Variants in COPS2 observed in about 807,000 individuals in gnomAD.
COPS2 encodes the protein COP9 signalosome complex subunit 2.
COPS2 carries 10 observed loss-of-function variants against 66.1 expected under a neutral mutation model. The ratio of observed to expected loss-of-function variants is 0.15; its 90% CI spans 0.09 to 0.26. The LOEUF (loss-of-function observed/expected upper bound fraction) is 0.26. COPS2 is among the 10% of genes least tolerant of loss of function. The pLI is 1.00. For synonymous variants in COPS2, 179 were observed against 171.3 expected (o/e 1.04, Z -0.35); for missense variants, 215 against 513.3 (o/e 0.42, Z 5.62).
rs372953422 is a variant in COPS2 at position 49,144,992 on chromosome 15, T to A, written c.141A>T (p.Pro47=). The A allele has an allele frequency of 1.2e-4, 187 of 1,595,656 alleles. No individual in the cohort carries two copies. In the Middle Eastern group the frequency reaches 3.9e-3, roughly 33 times the overall value. ...YNSKALKEDD[P]KAALSSFQKV... is the part of the protein sequence containing the mutation. Reference sequence around the variant, plus strand: ...TTTGGAAACTGCTTAATGCCGCTTTTGGGTCATCTTCTTTTAATGCTTTGG... The same window carrying A: ...TTTGGAAACTGCTTAATGCCGCTTTAGGGTCATCTTCTTTTAATGCTTTGG... The change falls in exon 2 of 13, where the codon CCA becomes CCT. Residue 47 remains proline (P), a synonymous_variant. Coordinates refer to ENST00000388901, the MANE Select transcript of COPS2 (RefSeq NM_004236.4).
intron 9 of COPS2, 32 bp from the exon 10 acceptor site, chr15:49,130,848 A>G (rs2084202813): frequency 1.7e-6 from 2 of 1,197,728 alleles, no homozygotes; most frequent in Non-Finnish European, 1.2e-6. Flanking sequence ...AATTATGTCA[A>G]ACATGAAGAA....
At chr15:49,131,595 C>A (rs2084209676) in intron 9 of COPS2, among the ~76,000 whole-genome samples, 1 of 151,868 alleles carries the variant, frequency 6.6e-6, no homozygotes, top group African/African-American at 2.4e-5. Context: ...CCCAATGTAA[C>A]CTCATATTAG....
chr15:49,132,571 C>CAAAAAAAAAAAAA (rs748471326), intron 9 of COPS2, among the ~76,000 whole-genome samples: 1 of 59,900 alleles, frequency 1.7e-5, no homozygotes, highest in Non-Finnish European at 3.2e-5. Flanking sequence ...CATATATCTG[C>CAAAAAAAAAAAAA]AAAAAAAAAA....
chr15:49,150,735 CA>C (rs894878385), intron 1 of COPS2, among the ~76,000 whole-genome samples: 1 of 152,012 alleles, frequency 6.6e-6, no homozygotes, highest in Non-Finnish European at 1.5e-5. Context: ...AAGAAGGGAA[CA>C]GACACTAGGG....
At chr15:49,138,183 T>A (rs1039482301) in intron 4 of COPS2, among the ~76,000 whole-genome samples, 4 of 152,200 alleles carry the variant, frequency 2.6e-5, no homozygotes, top group Admixed American at 2.6e-4. Flanking sequence ...GAAATCATTA[T>A]TTGTTTTACA....
In COPS2 at chr15:49,142,492, G is replaced by A. The variant is rs1367708100; in HGVS notation, c.246+1735C>T. 3.3e-5 allele frequency among the ~76,000 whole-genome samples: 5 copies of A among 152,250 alleles called. No individual in the cohort carries two copies. In the East Asian group the frequency reaches 9.6e-4, roughly 29 times the overall value. ...GGGATAGAGAAGCTAATGGAGAGGT[G>A]GAGGAAACATATCATATGGGAAATA... On this transcript the variant is annotated intron_variant, in intron 3 of 12. Transcript: ENST00000388901.
intron 6 of COPS2, among the ~76,000 whole-genome samples, chr15:49,136,914 A>T (rs2084256659): frequency 6.6e-6 from 1 of 152,022 alleles, no homozygotes; most frequent in African/African-American, 2.4e-5. Flanking sequence ...GCTTCAGCCC[A>T]GGAGGTAAAG....
Position 49,145,091 on chromosome 15 carries a change from G to A in COPS2, c.55-13C>T. 7.5e-7 allele frequency: 1 copy of A among 1,339,622 alleles called. No individual in the cohort carries two copies. Among genetic ancestry groups the A allele is most frequent in the Non-Finnish European group, 1.0e-6 (1 of 973,474 alleles). The allele number at this position is 1,339,622 out of a possible 1,614,324, so 83.0% of individuals were successfully genotyped here. ...CTTCAGAGTATTCCTGTGTTGGAAA[G>A]AAAGAAATATTAAAAGAAAAAAAGA... On this transcript the variant is annotated splice_polypyrimidine_tract_variant and intron_variant, in intron 1 of 12. Coordinates refer to ENST00000388901, the MANE Select transcript of COPS2 (RefSeq NM_004236.4).
intron 11 of COPS2, 24 bp from the exon 12 acceptor site, chr15:49,128,784 A>G (rs747087028): frequency 2.0e-6 from 3 of 1,466,724 alleles, no homozygotes; most frequent in Non-Finnish European, 2.8e-6. Flanking sequence ...CTTGTTATAT[A>G]CCAATTAACA....
rs1206705109 is a variant in COPS2 at position 49,123,763 on chromosome 15, A to C, written c.*4187T>G. 2 of 152,204 alleles carry C rather than the reference A, an allele frequency of 1.3e-5. No individual in the cohort carries two copies. The highest frequency in any genetic ancestry group is 4.8e-5 in the African/African-American group (2 of 41,454). 9.4% of individuals were successfully genotyped at this position (152,204 alleles called of 1,614,324 possible). ...TATTTTTAACTACTACAGGTAGTTT[A>C]GATATTATTATACGTGACAGTAAAA... is the stretch of plus-strand genomic sequence containing the variant. On this transcript the variant is annotated 3_prime_UTR_variant, in exon 13 of 13. Coordinates refer to ENST00000388901, the MANE Select transcript of COPS2 (RefSeq NM_004236.4).
chr15:49,128,369 A>C (rs772757484), intron 12 of COPS2, among the ~76,000 whole-genome samples: 18 of 152,266 alleles, frequency 1.2e-4, no homozygotes, highest in Middle Eastern at 3.2e-3. Flanking sequence ...GCTTTAAACA[A>C]TGTACTGTTT....
chr15:49,139,759 T>G, intron 3 of COPS2, 106 bp from the exon 4 acceptor site: 3 of 784,616 alleles, frequency 3.8e-6, no homozygotes, highest in Non-Finnish European at 4.0e-6. Flanking sequence ...ATGTAGTTCA[T>G]ATAGTTCCTG....
intron 3 of COPS2, 115 bp downstream of exon 3, chr15:49,144,112 T>C (rs1595824545): frequency 1.4e-6 from 1 of 729,026 alleles, no homozygotes; most frequent in Non-Finnish European, 2.4e-6. Flanking sequence ...GCAGACTAAA[T>C]ATAAAAACAC....
At chr15:49,134,245 C>T (rs1387036066) in intron 7 of COPS2, 95 bp downstream of exon 7, 2 of 1,420,164 alleles carry the variant, frequency 1.4e-6, no homozygotes, top group Non-Finnish European at 1.9e-6. Flanking sequence ...ACTACTGGCC[C>T]CAAGGTATAC....
chr15:49,154,505 T>C (rs2084395173), intron 1 of COPS2, among the ~76,000 whole-genome samples: 1 of 152,166 alleles, frequency 6.6e-6, no homozygotes, highest in African/African-American at 2.4e-5. Context: ...GTATTAATAT[T>C]TTGACAATCT....
chr15:49,139,801 A>T (rs1298133739), intron 3 of COPS2, 148 bp from the exon 4 acceptor site: 5 of 573,112 alleles, frequency 8.7e-6, no homozygotes, highest in Non-Finnish European at 1.5e-5. Flanking sequence ...ACTATGTATG[A>T]CAGGAACATT....
At chr15:49,138,372 A>G (rs1013146251) in intron 4 of COPS2, among the ~76,000 whole-genome samples, 10 of 152,200 alleles carry the variant, frequency 6.6e-5, no homozygotes, top group Non-Finnish European at 1.2e-4. Context: ...AATAGAACAG[A>G]GTACCACCCA....
At chr15:49,139,491 A>T (rs1216871805) in intron 4 of COPS2, 37 bp downstream of exon 4, 3 of 1,532,490 alleles carry the variant, frequency 2.0e-6, no homozygotes, top group Non-Finnish European at 1.8e-6. Flanking sequence ...AATAATAAAC[A>T]CACTGATCGT....
At chr15:49,154,302 C>G (rs958325111) in intron 1 of COPS2, among the ~76,000 whole-genome samples, 1 of 152,180 alleles carries the variant, frequency 6.6e-6, no homozygotes, top group Non-Finnish European at 1.5e-5. Context: ...CTGGCTTGCA[C>G]AAACTAAAAT....
Sources: allele counts gnomAD v4.1 joint callset (sites outside exome capture counted in the v4.1 genomes callset), GRCh38; gene constraint gnomAD v4.1.1; transcripts MANE v1.5; gene names NCBI Gene and HGNC (gene_info 2026-07-23, HGNC 2026-07-21).